BRWD1: variants seen among roughly 807,000 people sequenced by gnomAD.
The protein encoded by BRWD1 is bromodomain and WD repeat-containing protein 1.
Under a neutral mutation model 251.2 loss-of-function variants are expected in BRWD1, and 82 were observed. The ratio of observed to expected loss-of-function variants is 0.33; its 90% CI spans 0.27 to 0.39. The LOEUF (loss-of-function observed/expected upper bound fraction) is 0.39. BRWD1 is among the 10% of genes least tolerant of loss of function. BRWD1 has a pLI of 1.00. For synonymous variants in BRWD1, 918 were observed against 902.8 expected, an observed-to-expected ratio of 1.02 and a Z score of -0.30; for missense variants, 2,233 against 2,711.6, an observed-to-expected ratio of 0.82 and a Z score of 3.92.
Position 39,199,566 on chromosome 21 carries a change from A to G in BRWD1, c.4850T>C (p.Ile1617Thr), listed in dbSNP as rs2032002787. The change falls in exon 40 of 41, where the codon ATT becomes ACT. Residue 1617 changes from isoleucine to threonine, a missense_variant. Ile to Thr is a moderately conservative substitution (Grantham distance 89, BLOSUM62 -1). Coordinates refer to ENST00000342449, the MANE Select transcript of BRWD1 (RefSeq NM_033656.4). ...GTTATTTCCAGCTCTGGCTTTTAGA[A>G]TTTCACCAGTCTCCAATGAATTGTT... Reference protein sequence around the residue: ...SDNNSLETGEILKARAGNNRK... With the variant: ...SDNNSLETGETLKARAGNNRK... The G allele has an allele frequency of 2.5e-6, 4 of 1,613,988 alleles. No individual in the cohort carries two copies. The highest frequency in any genetic ancestry group is 3.4e-6 in the Non-Finnish European group (4 of 1,180,030).
rs768094438 is a variant in BRWD1 at position 39,196,441 on chromosome 21, G to A, written c.6628C>T (p.Arg2210Cys). The A allele has an allele frequency of 1.2e-5, 19 of 1,613,326 alleles. No homozygotes were observed. The Admixed American group carries it at 1.7e-4, about 14-fold the overall frequency. The change falls in exon 41 of 41, where the codon CGC becomes TGC. Residue 2210 changes from arginine to cysteine, a missense_variant. By Grantham distance (180) the Arg-to-Cys change is radical. Coordinates refer to ENST00000342449, the MANE Select transcript of BRWD1 (RefSeq NM_033656.4). ...TTATCATCCACACTTAACCTAGGGC[G>A]TTTGCTTTGTCTTTGACGTCTCACA... The part of the protein sequence containing the change: ...KTVRRQRQSK[R>C]PRLSVDDNDW...
intron 17 of BRWD1, among the ~76,000 whole-genome samples, chr21:39,264,015 A>G (rs2034838662): frequency 6.6e-6 from 1 of 152,214 alleles, no homozygotes; most frequent in African/African-American, 2.4e-5. Flanking sequence ...CTTCAAATAC[A>G]TCAACATCAT....
chr21:39,221,014 G>A (rs972341592), intron 29 of BRWD1, among the ~76,000 whole-genome samples: 6 of 151,938 alleles, frequency 3.9e-5, no homozygotes, highest in Admixed American at 3.9e-4. Flanking sequence ...AACTAGCCAG[G>A]CATGGTGGCA....
At chr21:39,213,351 A>G (rs1454681376) in intron 33 of BRWD1, 130 bp downstream of exon 33, 1 of 769,186 alleles carries the variant, frequency 1.3e-6, no homozygotes, top group Non-Finnish European at 2.1e-6. Flanking sequence ...CAAAAATATA[A>G]TTTTATCAAA....
chr21:39,210,264 C>A, intron 35 of BRWD1, 117 bp from the exon 36 acceptor site: 1 of 785,674 alleles, frequency 1.3e-6, no homozygotes, highest in Non-Finnish European at 1.9e-6. Flanking sequence ...TTAGAGGACT[C>A]TTAAAATTCA....
At chr21:39,294,362 T>C (rs994569863) in intron 7 of BRWD1, among the ~76,000 whole-genome samples, 1 of 152,172 alleles carries the variant, frequency 6.6e-6, no homozygotes, top group Non-Finnish European at 1.5e-5. Context: ...TAACAATGGT[T>C]AAATGTTAGT....
In BRWD1 at chr21:39,238,504, T is replaced by G; in HGVS notation, c.2551A>C (p.Ser851Arg). 6.2e-7 allele frequency: 1 copy of G among 1,613,356 alleles called. No homozygotes were observed. The highest frequency in any genetic ancestry group is 8.5e-7 in the Non-Finnish European group (1 of 1,179,468). The change falls in exon 22 of 41, where the codon AGT becomes CGT. Residue 851 changes from serine (S) to arginine (R), a missense_variant. Transcript: ENST00000342449. ...CTTGAACTTTCGCTGTAACTCTCACTTTTTCTGTCACTTCTCCATTCATCC... is the reference window on the plus strand; with the variant it reads ...CTTGAACTTTCGCTGTAACTCTCACGTTTTCTGTCACTTCTCCATTCATCC... ...EEDEWRSDRK[S>R]ESYSESSSDS...
intron 18 of BRWD1, among the ~76,000 whole-genome samples, chr21:39,258,130 G>GA (rs1484038470): frequency 1.3e-5 from 2 of 152,062 alleles, no homozygotes; most frequent in African/African-American, 2.4e-5. Context: ...GATTCAATAA[G>GA]AAAAATCATA....
chr21:39,312,753 C>T, intron 4 of BRWD1, 88 bp downstream of exon 4: 1 of 1,105,874 alleles, frequency 9.0e-7, no homozygotes, highest in Non-Finnish European at 1.3e-6. Flanking sequence ...ACTTTGCACC[C>T]CACGGGCCGG....
In BRWD1 at chr21:39,225,169, A is replaced by G; in HGVS notation, c.3237T>C (p.Asp1079=). 5 of 1,613,240 alleles carry G rather than the reference A, an allele frequency of 3.1e-6. No homozygotes were observed. Among genetic ancestry groups the G allele is most frequent in the East Asian group, 2.2e-5 (1 of 44,832 alleles). ...SCDRFRSIID[D]AWWFGTVLSQ... is the part of the protein sequence containing the mutation. ...TTAACACTGTTCCAAACCACCAAGC[A>G]TCATCAATAATAGAGCGGAATCTGT... is the stretch of plus-strand genomic sequence containing the variant. The change falls in exon 28 of 41, where the codon GAT becomes GAC. Residue 1079 remains aspartate, a synonymous_variant. Coordinates refer to ENST00000342449, the MANE Select transcript of BRWD1 (RefSeq NM_033656.4).
chr21:39,193,837 CT>C lies in BRWD1; in HGVS notation c.*2421del. The C allele has an allele frequency of 1.0e-6, 1 of 985,018 alleles. No individual in the cohort carries two copies. The highest frequency in any genetic ancestry group is 1.7e-5 in the African/African-American group (1 of 57,312). The allele number at this position is 985,018 out of a possible 1,614,324, so 61.0% of individuals were successfully genotyped here. ...CTAGTGCTCAATGTAAACATTTTAA[CT>C]ATTAATGATTTATTAATTTTCCTTA... On this transcript the variant is annotated 3_prime_UTR_variant, in exon 41 of 41. Coordinates refer to ENST00000342449, the MANE Select transcript of BRWD1 (RefSeq NM_033656.4).
intron 15 of BRWD1, among the ~76,000 whole-genome samples, chr21:39,265,924 T>C (rs1179775445): frequency 1.3e-5 from 2 of 152,242 alleles, no homozygotes. Context: ...TTTTATACTG[T>C]TTTATTCTTC....
In BRWD1 at chr21:39,187,029, T is replaced by C. The variant is rs372009663; in HGVS notation, c.*9230A>G. 4.3e-5 allele frequency: 67 copies of C among 1,557,930 alleles called. No homozygotes were observed. The highest frequency in any genetic ancestry group is 5.4e-5 in the Non-Finnish European group (63 of 1,158,904). On this transcript the variant is annotated 3_prime_UTR_variant, in exon 41 of 41. Transcript: ENST00000342449. ...CACTTCTACATTCTCATAGTCACTA[T>C]TGTGCATTTTCTTTCCAGGATCTGA...
chr21:39,256,752 A>C (rs1004890656), intron 18 of BRWD1, among the ~76,000 whole-genome samples: 1 of 152,248 alleles, frequency 6.6e-6, no homozygotes, highest in Non-Finnish European at 1.5e-5. Context: ...CTAACACAAC[A>C]GAAAAACTGA....
intron 37 of BRWD1, among the ~76,000 whole-genome samples, chr21:39,205,494 G>C (rs947705057): frequency 1.5e-4 from 23 of 152,108 alleles, no homozygotes; most frequent in African/African-American, 4.3e-4. Flanking sequence ...AAATAGGGCT[G>C]AGCGCGGTGG....
chr21:39,296,094 A>G (rs540655325), intron 6 of BRWD1, among the ~76,000 whole-genome samples, 171 bp downstream of exon 6: 9 of 152,176 alleles, frequency 5.9e-5, no homozygotes, highest in Non-Finnish European at 1.2e-4. Context: ...ATTTTTTATT[A>G]ATTTTATTTT....
rs1409423254 is a variant in BRWD1 at position 39,280,175 on chromosome 21, T to C, written c.905A>G (p.Gln302Arg). The C allele has an allele frequency of 8.1e-6, 13 of 1,605,968 alleles. No individual in the cohort carries two copies. The highest frequency in any genetic ancestry group is 1.1e-5 in the Non-Finnish European group (13 of 1,177,738). Residue 302 changes from glutamine (Q) to arginine (R), a missense_variant, in exon 9 of 41, where the codon CAA (glutamine) becomes CGA (arginine). By Grantham distance (43) the Gln-to-Arg change is conservative. Coordinates refer to ENST00000342449, the MANE Select transcript of BRWD1 (RefSeq NM_033656.4). ...AAATTTTAAGGATTCTAAATCCCAT[T>C]GCCAAAAGCAAACTGTCCCATCAGC... is the stretch of plus-strand genomic sequence containing the variant. ...TGADGTVCFW[Q>R]WDLESLKFSP...
Position 39,190,821 on chromosome 21 carries a change from C to A in BRWD1, c.*5438G>T. ...GTATGGCAGCATCAGGTCAAAAGACCATCAGAAATAATTCCATGAACTAGT... is the reference window on the plus strand; with the variant it reads ...GTATGGCAGCATCAGGTCAAAAGACAATCAGAAATAATTCCATGAACTAGT... On this transcript the variant is annotated 3_prime_UTR_variant, in exon 41 of 41. Coordinates refer to ENST00000342449, the MANE Select transcript of BRWD1 (RefSeq NM_033656.4). The A allele has an allele frequency of 1.0e-6, 1 of 985,218 alleles. No homozygotes were observed. Among genetic ancestry groups the A allele is most frequent in the South Asian group, 4.7e-5 (1 of 21,274 alleles). 61.0% of individuals were successfully genotyped at this position (985,218 alleles called of 1,614,324 possible).
intron 8 of BRWD1, among the ~76,000 whole-genome samples, chr21:39,280,463 A>G (rs9979936): frequency 0.1 from 15,445 of 152,186 alleles, 913 homozygotes; most frequent in East Asian, 0.14. Flanking sequence ...AATGAACAAG[A>G]CTGGCCAGAA....
Sources: allele counts gnomAD v4.1 joint callset (sites outside exome capture counted in the v4.1 genomes callset), GRCh38; gene constraint gnomAD v4.1.1; transcripts MANE v1.5; gene names NCBI Gene and HGNC (gene_info 2026-07-23, HGNC 2026-07-21).